Variants in CCDC33 observed in about 807,000 individuals in gnomAD.
CCDC33 encodes the protein coiled-coil domain containing 33.
Under a neutral mutation model 91.9 loss-of-function variants are expected in CCDC33, and 94 were observed. The observed-to-expected ratio is 1.02, with a 90% CI of 0.87 to 1.21. CCDC33 has a LOEUF of 1.21. Ranked by LOEUF, CCDC33 falls within the 50% of genes most tolerant of loss-of-function variation. CCDC33 has a pLI of 0.00. For missense variants in CCDC33, 940 were observed against 935.5 expected (o/e 1.00, Z -0.06); for synonymous variants, 396 against 374.5 (o/e 1.06, Z -0.66).
At chr15:74,279,500 G>T (rs351167) in intron 7 of CCDC33, among the ~76,000 whole-genome samples, 10 of 152,214 alleles carry the variant, frequency 6.6e-5, no homozygotes, top group Non-Finnish European at 8.8e-5. Flanking sequence ...GTATTTATTA[G>T]GTGTGTGCTG....
intron 1 of CCDC33, among the ~76,000 whole-genome samples, chr15:74,242,616 T>C (rs190204348): frequency 3.2e-4 from 48 of 152,168 alleles, no homozygotes; most frequent in Non-Finnish European, 2.9e-5. Context: ...TCATATCAGC[T>C]GGAGGGACAA....
intron 3 of CCDC33, among the ~76,000 whole-genome samples, chr15:74,263,675 G>A (rs926426709): frequency 1.3e-5 from 2 of 152,264 alleles, no homozygotes; most frequent in African/African-American, 4.8e-5. Flanking sequence ...ATGCGTGCCT[G>A]TGTGTGCATG....
chr15:74,290,182 C>CT (rs3057599), intron 10 of CCDC33, among the ~76,000 whole-genome samples: 75,881 of 145,512 alleles, frequency 0.52, 23,222 homozygotes, highest in Non-Finnish European at 0.71. Flanking sequence ...GTTTCTTTTC[C>CT]TTTTTTTTTT....
chr15:74,221,076 T>A (rs535963264), intron 2 of CCDC33, among the ~76,000 whole-genome samples: 17 of 152,290 alleles, frequency 1.1e-4, no homozygotes, highest in Admixed American at 2.6e-4. Flanking sequence ...CCAGGAAGCC[T>A]TCCCAGCATT....
chr15:74,278,409 T>G (rs921128631), intron 7 of CCDC33, among the ~76,000 whole-genome samples: 1 of 152,266 alleles, frequency 6.6e-6, no homozygotes, highest in Non-Finnish European at 1.5e-5. Flanking sequence ...GCTGCTACTG[T>G]TGCTGACAGC....
At chr15:74,265,832 T>A (rs769012196) in intron 3 of CCDC33, among the ~76,000 whole-genome samples, 1 of 152,248 alleles carries the variant, frequency 6.6e-6, no homozygotes, top group Non-Finnish European at 1.5e-5. Context: ...GAGGCCAGCC[T>A]GGCCAACATG....
chr15:74,210,970 T>C (rs1006406688), intron 2 of CCDC33, among the ~76,000 whole-genome samples: 3 of 152,184 alleles, frequency 2.0e-5, no homozygotes, highest in African/African-American at 7.2e-5. Flanking sequence ...AGTAAGTTAC[T>C]GGCAAAGACA....
chr15:74,321,367 C>T (rs1233336059), intron 11 of CCDC33, among the ~76,000 whole-genome samples: 2 of 151,096 alleles, frequency 1.3e-5, no homozygotes, highest in African/African-American at 2.4e-5. Context: ...CCAGTTCAAG[C>T]GATTCTCCCA....
At chr15:74,281,710 C>T (rs1466481058) in intron 9 of CCDC33, 68 bp from the exon 10 acceptor site, 9 of 1,363,638 alleles carry the variant, frequency 6.6e-6, no homozygotes, top group Non-Finnish European at 9.4e-6. Context: ...AAATCTAGAA[C>T]AGTAGGTGGG....
rs544806452 is a variant in CCDC33 at position 74,225,369 on chromosome 15, C to T, written c.675+6508C>T. ...TGACGATGGCCTTTTCTTAACCTTA[C>T]ACCCATGGAAAGCGGATGTGCCCCC... is the stretch of plus-strand genomic sequence containing the variant. On this transcript the variant is annotated intron_variant, in intron 2 of 2. Coordinates refer to the CCDC33 transcript ENST00000635913. 6.6e-5 allele frequency among the ~76,000 whole-genome samples: 10 copies of T among 152,192 alleles called. No homozygotes were observed. The South Asian group carries it at 2.1e-3, about 32-fold the overall frequency.
chr15:74,336,098 A>G lies in CCDC33; in HGVS notation c.*45A>G. On this transcript the variant is annotated 3_prime_UTR_variant, in exon 19 of 19. Coordinates refer to ENST00000398814, the MANE Select transcript of CCDC33 (RefSeq NM_025055.5). Reference sequence around the variant, plus strand: ...TCCCTGTGTGCTGGGGAGTCTCATCACCGCCCCCTAAAAATGACGTTATTA... The same window carrying G: ...TCCCTGTGTGCTGGGGAGTCTCATCGCCGCCCCCTAAAAATGACGTTATTA... 2.5e-6 allele frequency: 4 copies of G among 1,596,948 alleles called. No individual in the cohort carries two copies. The highest frequency in any genetic ancestry group is 2.6e-6 in the Non-Finnish European group (3 of 1,171,302).
rs1455111049 is a variant in CCDC33 at position 74,281,776 on chromosome 15, A to G, written c.1024-2A>G. 1.9e-6 allele frequency: 3 copies of G among 1,613,580 alleles called. No homozygotes were observed. Among genetic ancestry groups the G allele is most frequent in the African/African-American group, 1.3e-5 (1 of 74,916 alleles). On this transcript the variant is annotated splice_acceptor_variant, in intron 9 of 18. Coordinates refer to ENST00000398814, the MANE Select transcript of CCDC33 (RefSeq NM_025055.5). LOFTEE classifies it high-confidence loss of function. The stretch of plus-strand genomic sequence containing the variant: ...GTCTGAGTGCTCCCTTTTCCTCCCC[A>G]GGACACCAGCCTGAAAACTATCAAT...
At chr15:74,281,878 G>A in intron 10 of CCDC33, 29 bp downstream of exon 10, 1 of 1,593,192 alleles carries the variant, frequency 6.3e-7, no homozygotes, top group Admixed American at 1.7e-5. Flanking sequence ...GGAGGGTCAG[G>A]GCCAGCAGGC....
Position 74,330,212 on chromosome 15 carries a change from C to G in CCDC33, c.1314C>G (p.Ala438=). 1 of 1,609,466 alleles carries G rather than the reference C, an allele frequency of 6.2e-7. No individual in the cohort carries two copies. The highest frequency in any genetic ancestry group is 1.1e-5 in the South Asian group (1 of 90,696). Residue 438 remains alanine, a synonymous_variant, in exon 12 of 19, where the codon GCC becomes GCG. Transcript: ENST00000398814. ...AGGAGATGAACAACTACCGGCGGGC[C>G]ATGCAGAAGATGGCAGAGGACATCC... is the stretch of plus-strand genomic sequence containing the variant. ...HDTEMNNYRR[A]MQKMAEDILS...
At chr15:74,209,152 C>A in intron 1 of CCDC33, 1 of 1,302,614 alleles carries the variant, frequency 7.7e-7, no homozygotes, top group Non-Finnish European at 1.0e-6. Context: ...ATCTCCAGCT[C>A]AGGCACAGAG....
intron 11 of CCDC33, chr15:74,318,456 T>TG: frequency 2.9e-6 from 1 of 339,428 alleles, no homozygotes; most frequent in Non-Finnish European, 5.7e-6. Flanking sequence ...CCCCCCACCC[T>TG]GGAACAAAGG....
chr15:74,266,706 A>G lies in CCDC33; in HGVS notation c.348A>G (p.Arg116=), dbSNP rs201922275. ...EDVILKVVDN[R]KKQELLSYKI... is the part of the protein sequence containing the mutation. ...TGATCCTCAAGGTGGTGGACAACAG[A>G]AAGAAACAGGAGTTGTTGTCCTACA... Residue 116 remains arginine, a synonymous_variant, in exon 4 of 19, where the codon AGA becomes AGG. Coordinates refer to ENST00000398814, the MANE Select transcript of CCDC33 (RefSeq NM_025055.5). The G allele has an allele frequency of 6.2e-7, 1 of 1,614,064 alleles. No homozygotes were observed. Among genetic ancestry groups the G allele is most frequent in the African/African-American group, 1.3e-5 (1 of 75,042 alleles).
chr15:74,294,935 T>G (rs948734429), intron 10 of CCDC33, among the ~76,000 whole-genome samples: 5 of 151,892 alleles, frequency 3.3e-5, no homozygotes, highest in African/African-American at 4.8e-5. Context: ...CATATGACAG[T>G]GATAATCCTG....
At chr15:74,279,672 G>C (rs2959017) in intron 7 of CCDC33, among the ~76,000 whole-genome samples, 21 of 151,706 alleles carry the variant, frequency 1.4e-4, no homozygotes, top group Admixed American at 1.2e-3. Context: ...GGGTAGCTGG[G>C]ATTACAGGAG....
Sources: gnomAD v4.1 joint callset for allele counts (sites outside exome capture counted in the v4.1 genomes callset) on GRCh38, gnomAD v4.1.1 for gene constraint, MANE v1.5 for transcripts, NCBI Gene and HGNC (gene_info 2026-07-23, HGNC 2026-07-21) for gene names.